HTR2C: variants seen among roughly 807,000 people sequenced by gnomAD.
The protein encoded by HTR2C is 5-hydroxytryptamine (serotonin) receptor 2C, G protein-coupled.
HTR2C carries 5 observed loss-of-function variants against 21.0 expected under a neutral mutation model. The observed-to-expected ratio is 0.24, with a 90% CI of 0.12 to 0.50. HTR2C has a LOEUF of 0.50. Among genes scored for constraint, HTR2C ranks in the 20% least tolerant of loss-of-function variants. The pLI, the probability that HTR2C is intolerant of heterozygous loss-of-function variation, is 0.98. For missense variants in HTR2C, 271 were observed against 371.2 expected, an observed-to-expected ratio of 0.73 and a Z score of 2.22; for synonymous variants, 150 against 145.3, an observed-to-expected ratio of 1.03 and a Z score of -0.23.
At chrX:114,600,120 T>C (rs1271958641) in intron 1 of HTR2C, among the ~76,000 whole-genome samples, 1 of 111,911 alleles carries the variant, frequency 8.9e-6, no homozygotes, top group Non-Finnish European at 1.9e-5. Context: ...TATTATCTCA[T>C]GTCATTCTCA....
chrX:114,672,863 C>A (rs1043420963), intron 2 of HTR2C, among the ~76,000 whole-genome samples: 8 of 111,995 alleles, frequency 7.1e-5, no homozygotes, highest in African/African-American at 2.6e-4. Flanking sequence ...GTCAATGTTT[C>A]CTACTTTTTT....
intron 2 of HTR2C, among the ~76,000 whole-genome samples, chrX:114,711,201 CTT>C (rs1460427901): frequency 6.3e-5 from 7 of 111,500 alleles, no homozygotes; most frequent in Admixed American, 1.9e-4. Flanking sequence ...TAAAATAAGA[CTT>C]TAAAACTTGA....
At chrX:114,776,973 CAT>C (rs1366918600) in intron 4 of HTR2C, among the ~76,000 whole-genome samples, 14 of 111,980 alleles carry the variant, frequency 1.3e-4, no homozygotes, top group African/African-American at 4.5e-4. Flanking sequence ...TGCTGACAAA[CAT>C]ATTACCTCAA....
chrX:114,589,882 C>T, intron 1 of HTR2C: 1 of 326,345 alleles, frequency 3.1e-6, no homozygotes, highest in Non-Finnish European at 5.7e-6. Context: ...AAGATGCAAG[C>T]ATTTTGAACT....
chrX:114,897,091 G>T (rs782735365), intron 5 of HTR2C, among the ~76,000 whole-genome samples: 2 of 111,274 alleles, frequency 1.8e-5, no homozygotes, highest in Non-Finnish European at 3.8e-5. Flanking sequence ...TTTTAATAAT[G>T]TACTAATTTT....
chrX:114,644,378 T>A (rs12559428), intron 2 of HTR2C, among the ~76,000 whole-genome samples: 3,712 of 64,304 alleles, frequency 0.058, 117 homozygotes, highest in South Asian at 0.13. Context: ...TATATATATA[T>A]ATATATATAT....
Position 114,648,004 on chromosome X carries a change from TAA to T in HTR2C, c.-80+34124_-80+34125del, listed in dbSNP as rs782494648. The stretch of plus-strand genomic sequence containing the variant: ...GAAAAGCATACAAATTTATTTAATA[TAA>T]GTTTAAAATAACATGGGAAACATCA... On this transcript the variant is annotated intron_variant, in intron 2 of 5. Coordinates refer to ENST00000276198, the MANE Select transcript of HTR2C (RefSeq NM_000868.4). Among the ~76,000 whole-genome samples, 14 of 112,554 alleles carry T rather than the reference TAA, an allele frequency of 1.2e-4. No homozygotes were observed. The South Asian group carries it at 5.1e-3, about 41-fold the overall frequency.
intron 2 of HTR2C, among the ~76,000 whole-genome samples, chrX:114,685,411 C>T (rs1931879973): frequency 8.9e-6 from 1 of 112,053 alleles, no homozygotes; most frequent in Admixed American, 9.5e-5. Context: ...CTTTTCATTG[C>T]TAACACTTCA....
At chrX:114,605,652 G>A (rs782097799) in intron 1 of HTR2C, among the ~76,000 whole-genome samples, 2 of 111,271 alleles carry the variant, frequency 1.8e-5, no homozygotes, top group South Asian at 7.6e-4. Flanking sequence ...TTGGTATTGG[G>A]GTGAAGCGGC....
intron 4 of HTR2C, chrX:114,775,373 A>G: frequency 1.9e-6 from 1 of 532,136 alleles, no homozygotes; most frequent in East Asian, 3.5e-5. Flanking sequence ...GGGGTGCAGA[A>G]GGTATGCCTG....
At chrX:114,871,778 A>G (rs1318676905) in intron 5 of HTR2C, among the ~76,000 whole-genome samples, 3 of 102,355 alleles carry the variant, frequency 2.9e-5, no homozygotes, top group Non-Finnish European at 5.9e-5. Context: ...CAAAGGTGCC[A>G]TCTGAACTTG....
At chrX:114,592,170 G>A (rs1927660647) in intron 1 of HTR2C, among the ~76,000 whole-genome samples, 5 of 112,282 alleles carry the variant, frequency 4.5e-5, no homozygotes, top group African/African-American at 1.6e-4. Flanking sequence ...AAATGGGGAA[G>A]AGAACATGGA....
chrX:114,787,973 T>TA (rs1460472325), intron 4 of HTR2C, among the ~76,000 whole-genome samples: 9 of 107,707 alleles, frequency 8.4e-5, no homozygotes, highest in African/African-American at 3.0e-4. Flanking sequence ...AAAGAAATCC[T>TA]AAAAAAATTC....
At chrX:114,805,751 A>C (rs1257198180) in intron 4 of HTR2C, among the ~76,000 whole-genome samples, 2 of 87,792 alleles carry the variant, frequency 2.3e-5, no homozygotes, top group African/African-American at 8.7e-5. Flanking sequence ...CCATATATAC[A>C]CCTATATATA....
chrX:114,849,800 A>G (rs782022255), intron 5 of HTR2C, among the ~76,000 whole-genome samples: 17 of 112,145 alleles, frequency 1.5e-4, no homozygotes, highest in Non-Finnish European at 3.0e-4. Flanking sequence ...AAACAAACAA[A>G]AAAAACCCCA....
chrX:114,776,035 A>T, intron 4 of HTR2C: 1 of 431,530 alleles, frequency 2.3e-6, no homozygotes, highest in Non-Finnish European at 4.1e-6. Flanking sequence ...TGTCTTTCTT[A>T]TACTTATGCT....
In HTR2C at chrX:114,807,008, T is replaced by C. The variant is rs868924206; in HGVS notation, c.350-40995T>C. Among the ~76,000 whole-genome samples, 5 of 71,230 alleles carry C rather than the reference T, an allele frequency of 7.0e-5. 1 individual carries two copies. The highest frequency in any genetic ancestry group is 3.8e-4 in the Admixed American group (2 of 5,304). 61.9% of individuals were successfully genotyped at this position (71,230 alleles called of 115,157 possible). On this transcript the variant is annotated intron_variant, in intron 4 of 5. Coordinates refer to ENST00000276198, the MANE Select transcript of HTR2C (RefSeq NM_000868.4). ...ATACCACATATATATACCATATATA[T>C]CACATATATACCATATATACCATAT...
rs2071391658 is a variant in HTR2C at position 114,908,437 on chromosome X, T to C, written c.*1022T>C. 9.0e-6 allele frequency: 1 copy of C among 111,700 alleles called. No individual in the cohort carries two copies. 9.2% of individuals were successfully genotyped at this position (111,700 alleles called of 1,213,427 possible). On this transcript the variant is annotated 3_prime_UTR_variant, in exon 6 of 6. Coordinates refer to ENST00000276198, the MANE Select transcript of HTR2C (RefSeq NM_000868.4). ...GTAAAACTTGTATTGGAAGTATAGA[T>C]GGTAGAAACTTTGGAAGTTTTACTT... is the stretch of plus-strand genomic sequence containing the variant.
At chrX:114,712,839 AG>A (rs2147322682) in intron 2 of HTR2C, among the ~76,000 whole-genome samples, 1 of 112,261 alleles carries the variant, frequency 8.9e-6, no homozygotes, top group South Asian at 3.6e-4. Flanking sequence ...CAAAGACGAA[AG>A]ATGTCTGTAC....
Sources: gnomAD v4.1 joint callset for allele counts (sites outside exome capture counted in the v4.1 genomes callset) on GRCh38, gnomAD v4.1.1 for gene constraint, MANE v1.5 for transcripts, NCBI Gene and HGNC (gene_info 2026-07-23, HGNC 2026-07-21) for gene names.